Variants in CDK13 observed in about 807,000 individuals in gnomAD.
CDK13 encodes the protein cyclin-dependent kinase 13.
A neutral mutation model predicts 137.6 loss-of-function variants in CDK13; 40 were observed. The ratio of observed to expected loss-of-function variants is 0.29; its 90% CI spans 0.23 to 0.38. The LOEUF (loss-of-function observed/expected upper bound fraction) is 0.38. Ranked by LOEUF, CDK13 falls within the 10% of genes least tolerant of loss-of-function variation. The pLI, the probability that CDK13 is intolerant of heterozygous loss-of-function variation, is 1.00. For synonymous variants in CDK13, 869 were observed against 760.1 expected (o/e 1.14, Z -2.36); for missense variants, 1,704 against 1,951.8 (o/e 0.87, Z 2.39).
chr7:40,018,207 G>A (rs1193988174), intron 5 of CDK13, among the ~76,000 whole-genome samples: 1 of 152,078 alleles, frequency 6.6e-6, no homozygotes, highest in Non-Finnish European at 1.5e-5. Context: ...ATTGGTCAGG[G>A]TGTGGGATCA....
chr7:40,065,742 AAGC>A (rs1390356071), intron 9 of CDK13, among the ~76,000 whole-genome samples: 3 of 152,322 alleles, frequency 2.0e-5, no homozygotes, highest in Middle Eastern at 3.4e-3. Flanking sequence ...AACTAGACAA[AAGC>A]AGCAAAATAA....
chr7:40,047,793 T>A (rs1011445593), intron 6 of CDK13, 28 bp from the exon 7 acceptor site: 1 of 1,533,424 alleles, frequency 6.5e-7, no homozygotes, highest in Non-Finnish European at 9.0e-7. Flanking sequence ...ATTAATACCT[T>A]TTGTTCATTT....
chr7:40,091,958 G>A (rs758992259), intron 12 of CDK13, among the ~76,000 whole-genome samples: 3 of 152,146 alleles, frequency 2.0e-5, no homozygotes, highest in South Asian at 2.1e-4. Flanking sequence ...ATAAGCTTGC[G>A]TGAGGGAGGA....
chr7:40,051,655 A>T (rs1461829960), intron 7 of CDK13, among the ~76,000 whole-genome samples: 1 of 152,230 alleles, frequency 6.6e-6, no homozygotes, highest in Non-Finnish European at 1.5e-5. Context: ...TTTTCAGCTT[A>T]CAACTGTAAT....
chr7:39,973,864 T>G (rs1173365461), intron 1 of CDK13, among the ~76,000 whole-genome samples: 1 of 152,228 alleles, frequency 6.6e-6, no homozygotes, highest in Admixed American at 6.5e-5. Context: ...TGAATTGTCT[T>G]AGCACCCTTG....
intron 2 of CDK13, among the ~76,000 whole-genome samples, chr7:39,992,070 T>TACAC (rs148046155): frequency 0.036 from 5,267 of 146,924 alleles, 167 homozygotes; most frequent in East Asian, 0.15. Context: ...GAAAAAATTA[T>TACAC]ACACACACAC....
chr7:39,994,857 T>C (rs892237026), intron 2 of CDK13, among the ~76,000 whole-genome samples: 2 of 152,118 alleles, frequency 1.3e-5, no homozygotes, highest in African/African-American at 2.4e-5. Context: ...TTGGCAGTTC[T>C]TTTGCCGTTA....
At position 39,951,266 on chromosome 7, in the gene CDK13, A is replaced by C; in HGVS notation, c.625A>C (p.Ser209Arg). The change falls in exon 1 of 14, where the codon AGC (serine) becomes CGC (arginine). Residue 209 changes from serine to arginine, a missense_variant. Physicochemically the swap from Ser to Arg is moderately radical, Grantham distance 110. Coordinates refer to ENST00000181839, the MANE Select transcript of CDK13 (RefSeq NM_003718.5). ...RRDRRSSSGR[S>R]KERHREHRRR... Reference sequence around the variant, plus strand: ...GGACCGCCGCAGCAGCAGTGGCCGCAGCAAGGAGCGCCACCGCGAGCACCG... The same window carrying C: ...GGACCGCCGCAGCAGCAGTGGCCGCCGCAAGGAGCGCCACCGCGAGCACCG... 1 of 1,342,142 alleles carries C rather than the reference A, an allele frequency of 7.5e-7. No individual in the cohort carries two copies. Among genetic ancestry groups the C allele is most frequent in the Non-Finnish European group, 9.5e-7 (1 of 1,054,130 alleles). The allele number at this position is 1,342,142 out of a possible 1,614,324, so 83.1% of individuals were successfully genotyped here.
chr7:40,049,728 T>C (rs1485282242), intron 7 of CDK13, among the ~76,000 whole-genome samples: 1 of 152,162 alleles, frequency 6.6e-6, no homozygotes, highest in Admixed American at 6.5e-5. Context: ...GGCCAGCATC[T>C]TCCCCCCATA....
chr7:40,091,668 G>GGA (rs1293994981), intron 12 of CDK13, among the ~76,000 whole-genome samples: 1 of 152,162 alleles, frequency 6.6e-6, no homozygotes, highest in African/African-American at 2.4e-5. Flanking sequence ...GAATTCATAT[G>GGA]GAGAGACTAC....
intron 1 of CDK13, among the ~76,000 whole-genome samples, chr7:39,956,951 G>GT (rs1326626605): frequency 3.9e-5 from 6 of 152,082 alleles, no homozygotes; most frequent in Non-Finnish European, 5.9e-5. Flanking sequence ...TTCTATCACA[G>GT]TTCTGTTTTC....
At chr7:39,969,684 TC>T (rs1451715937) in intron 1 of CDK13, among the ~76,000 whole-genome samples, 6 of 151,972 alleles carry the variant, frequency 3.9e-5, no homozygotes, top group Admixed American at 2.6e-4. Context: ...TTTTTTTTTG[TC>T]AGTCTTTGAT....
chr7:39,963,398 A>C (rs1195877219), intron 1 of CDK13, among the ~76,000 whole-genome samples: 1 of 151,948 alleles, frequency 6.6e-6, no homozygotes, highest in African/African-American at 2.4e-5. Flanking sequence ...TGTGAATGGG[A>C]GTTCACTCAT....
chr7:40,038,182 C>G (rs1389738730), intron 5 of CDK13, among the ~76,000 whole-genome samples: 1 of 152,028 alleles, frequency 6.6e-6, no homozygotes, highest in African/African-American at 2.4e-5. Context: ...TTCTTTTGTA[C>G]ATATTCACAT....
At chr7:40,056,823 C>G (rs1037535796) in intron 7 of CDK13, among the ~76,000 whole-genome samples, 4 of 152,188 alleles carry the variant, frequency 2.6e-5, no homozygotes, top group Non-Finnish European at 5.9e-5. Context: ...GCCTCCACCC[C>G]CTACTGTAAG....
intron 5 of CDK13, among the ~76,000 whole-genome samples, chr7:40,021,600 T>A (rs1318196956): frequency 6.6e-6 from 1 of 152,244 alleles, no homozygotes; most frequent in African/African-American, 2.4e-5. Context: ...AACATACTTT[T>A]TTTTGAAAAC....
intron 5 of CDK13, among the ~76,000 whole-genome samples, chr7:40,013,876 GTC>G (rs1784948115): frequency 6.6e-6 from 1 of 152,030 alleles, no homozygotes; most frequent in South Asian, 2.1e-4. Context: ...GGTGAGGGGT[GTC>G]TCTGTTATAA....
Position 40,085,368 on chromosome 7 carries a change from C to CAA in CDK13, c.3030-2746_3030-2745dup, listed in dbSNP as rs34788348. 4.5e-3 allele frequency among the ~76,000 whole-genome samples: 551 copies of CAA among 122,952 alleles called. 1 individual carries two copies. Among genetic ancestry groups the CAA allele is most frequent in the African/African-American group, 0.014 (480 of 33,692 alleles). The allele number at this position is 122,952 out of a possible 152,430, so 80.7% of individuals were successfully genotyped here. On this transcript the variant is annotated intron_variant, in intron 11 of 13. Coordinates refer to ENST00000181839, the MANE Select transcript of CDK13 (RefSeq NM_003718.5). ...AGAGCACGAGAGCAAGATTCCATCTCAAAAAAAAAAAAAGGAAAGAAAATA... is the reference window on the plus strand; with the variant it reads ...AGAGCACGAGAGCAAGATTCCATCTCAAAAAAAAAAAAAAAGGAAAGAAAATA...
Position 40,092,988 on chromosome 7 carries a change from ACAC to A in CDK13, c.3443_3445del (p.Pro1148del). ...AGGTGAAAAACAGACAGATCCATCA[ACAC>A]CACAACAGGAGTCTTCGAAACCGTT... On this transcript the variant is annotated inframe_deletion, in exon 13 of 14. Transcript: ENST00000181839. 6.2e-7 allele frequency: 1 copy of A among 1,614,224 alleles called. No individual in the cohort carries two copies. Among genetic ancestry groups the A allele is most frequent in the Non-Finnish European group, 8.5e-7 (1 of 1,180,038 alleles).
Sources: gnomAD v4.1 joint callset for allele counts (sites outside exome capture counted in the v4.1 genomes callset) on GRCh38, gnomAD v4.1.1 for gene constraint, MANE v1.5 for transcripts, NCBI Gene and HGNC (gene_info 2026-07-23, HGNC 2026-07-21) for gene names.